The following EBF1 variants were observed in gnomAD, a reference collection of about 807,000 sequenced individuals.
The protein encoded by EBF1 is EBF transcription factor 1, also known as transcription factor COE1.
In EBF1, 10 loss-of-function variants were observed where a neutral mutation model predicts 68.4. That is an observed-to-expected ratio of 0.15 (90% CI 0.09 to 0.25). The LOEUF is 0.25. Among genes scored for constraint, EBF1 ranks in the 10% least tolerant of loss-of-function variants. EBF1 has a pLI of 1.00. For missense variants in EBF1, 509 were observed against 794.4 expected (o/e 0.64, Z 4.32); for synonymous variants, 298 against 299.8 (o/e 0.99, Z 0.06).
intron 6 of EBF1, among the ~76,000 whole-genome samples, chr5:159,028,099 C>T (rs781025378): frequency 2.1e-4 from 32 of 152,126 alleles, no homozygotes; most frequent in Non-Finnish European, 3.2e-4. Context: ...AGTATGTAGA[C>T]GGTGCTTGAA....
intron 6 of EBF1, among the ~76,000 whole-genome samples, chr5:158,931,119 CT>C (rs1810798697): frequency 4.6e-5 from 7 of 152,340 alleles, no homozygotes; most frequent in African/African-American, 1.7e-4. Context: ...CATATCTCAC[CT>C]GCTTTAGCCA....
chr5:158,934,285 C>A (rs79847495), intron 6 of EBF1, among the ~76,000 whole-genome samples: 2,820 of 152,276 alleles, frequency 0.019, 107 homozygotes, highest in African/African-American at 0.064. Context: ...TCTGCAATGC[C>A]AGTGTAGTAC....
chr5:159,079,402 C>T (rs899362955), intron 5 of EBF1, among the ~76,000 whole-genome samples: 3 of 152,064 alleles, frequency 2.0e-5, no homozygotes, highest in African/African-American at 7.2e-5. Flanking sequence ...TCTTCACTGC[C>T]GACATCCTTC....
chr5:158,858,198 T>C (rs1268828346), intron 6 of EBF1, among the ~76,000 whole-genome samples: 2 of 152,174 alleles, frequency 1.3e-5, no homozygotes, highest in Non-Finnish European at 2.9e-5. Context: ...TTAATTGTAA[T>C]ATGACACTGG....
At chr5:158,734,378 G>T (rs933146770) in intron 10 of EBF1, among the ~76,000 whole-genome samples, 1 of 152,044 alleles carries the variant, frequency 6.6e-6, no homozygotes, top group Non-Finnish European at 1.5e-5. Flanking sequence ...GCTTTAAGAG[G>T]GGTCTGTATA....
rs114978128 is a variant in EBF1, at chr5:158,716,352, T to C, written c.1126-2170A>G. Reference sequence around the variant, plus strand: ...GATCTTGTTTCCTAAAGGAGCATCCTTCTTTGATCCATGATGCTGCCTTCT... The same window carrying C: ...GATCTTGTTTCCTAAAGGAGCATCCCTCTTTGATCCATGATGCTGCCTTCT... On this transcript the variant is annotated intron_variant, in intron 11 of 15. Transcript: ENST00000313708. 5.3e-3 allele frequency among the ~76,000 whole-genome samples: 800 copies of C among 152,326 alleles called. 6 individuals are homozygous for C. Among genetic ancestry groups the C allele is most frequent in the African/African-American group, 0.018 (766 of 41,568 alleles).
intron 10 of EBF1, among the ~76,000 whole-genome samples, chr5:158,758,340 CAAATT>C (rs1446670588): frequency 2.0e-5 from 3 of 152,052 alleles, no homozygotes; most frequent in African/African-American, 4.8e-5. Flanking sequence ...CAGCCTGTCT[CAAATT>C]AAAAAGAAGC....
intron 6 of EBF1, 84 bp from the exon 7 acceptor site, chr5:158,840,194 C>A: frequency 1.1e-6 from 1 of 951,856 alleles, no homozygotes; most frequent in Non-Finnish European, 1.7e-6. Flanking sequence ...CTGGGTTGTG[C>A]ATTCGATTCT....
intron 6 of EBF1, among the ~76,000 whole-genome samples, chr5:159,026,520 T>A (rs970966795): frequency 2.6e-5 from 4 of 152,068 alleles, no homozygotes; most frequent in Non-Finnish European, 5.9e-5. Flanking sequence ...CTGGGAAAAC[T>A]AGAACTGACA....
chr5:159,043,811 AT>A (rs1771751750), intron 6 of EBF1, among the ~76,000 whole-genome samples: 1 of 152,198 alleles, frequency 6.6e-6, no homozygotes, highest in African/African-American at 2.4e-5. Context: ...ATCAGTATCC[AT>A]TCTCTGCTTC....
At chr5:159,033,980 T>A (rs1307451473) in intron 6 of EBF1, among the ~76,000 whole-genome samples, 1 of 152,214 alleles carries the variant, frequency 6.6e-6, no homozygotes, top group Non-Finnish European at 1.5e-5. Context: ...GTCATCACTA[T>A]TATTACATCT....
intron 7 of EBF1, among the ~76,000 whole-genome samples, chr5:158,837,510 T>G (rs1331504344): frequency 6.6e-6 from 1 of 152,318 alleles, no homozygotes; most frequent in East Asian, 1.9e-4. Flanking sequence ...AAACTGAAGC[T>G]CCAAAGGATT....
intron 6 of EBF1, among the ~76,000 whole-genome samples, chr5:158,910,258 G>A (rs1805665860): frequency 6.6e-6 from 1 of 152,198 alleles, no homozygotes; most frequent in Non-Finnish European, 1.5e-5. Context: ...CCACCAAGCT[G>A]TGGTTCTTCC....
Position 158,699,060 on chromosome 5 carries a change from C to G in EBF1, c.*51G>C, listed in dbSNP as rs753442522. On this transcript the variant is annotated 3_prime_UTR_variant, in exon 16 of 16. Transcript: ENST00000313708. The stretch of plus-strand genomic sequence containing the variant: ...TCTGGGACTTGTATCAGATTACTCT[C>G]TGTAGCAGAATCCAACCTCTTCATT... 4 of 1,558,298 alleles carry G rather than the reference C, an allele frequency of 2.6e-6. No individual in the cohort carries two copies. The highest frequency in any genetic ancestry group is 3.5e-6 in the Non-Finnish European group (4 of 1,148,246).
chr5:158,849,159 A>C (rs1007849594), intron 6 of EBF1, among the ~76,000 whole-genome samples: 2 of 152,228 alleles, frequency 1.3e-5, no homozygotes, highest in Non-Finnish European at 2.9e-5. Context: ...TAGAGTATTC[A>C]AGTAATTGCC....
At chr5:158,785,247 A>C (rs1777193873) in intron 9 of EBF1, among the ~76,000 whole-genome samples, 2 of 152,188 alleles carry the variant, frequency 1.3e-5, no homozygotes, top group South Asian at 4.1e-4. Flanking sequence ...ACAAACAGGC[A>C]AACTTGTTTT....
intron 6 of EBF1, among the ~76,000 whole-genome samples, chr5:158,909,540 G>A (rs1216002403): frequency 6.6e-6 from 1 of 152,126 alleles, no homozygotes; most frequent in Non-Finnish European, 1.5e-5. Context: ...AGGCATGACT[G>A]ATCATTGGTT....
intron 11 of EBF1, among the ~76,000 whole-genome samples, chr5:158,715,530 G>C (rs1368205203): frequency 6.6e-6 from 1 of 152,112 alleles, no homozygotes; most frequent in Non-Finnish European, 1.5e-5. Context: ...AGATAGTGGG[G>C]TTTTCAGTTC....
In EBF1 at chr5:158,969,919, A is replaced by AGAAAGAAAG. The variant is rs199980397; in HGVS notation, c.554+103476_554+103477insCTTTCTTTC. 6.0e-3 allele frequency among the ~76,000 whole-genome samples: 363 copies of AGAAAGAAAG among 60,184 alleles called. 17 individuals are homozygous for AGAAAGAAAG. Among genetic ancestry groups the AGAAAGAAAG allele is most frequent in the Non-Finnish European group, 9.3e-3 (258 of 27,632 alleles). 39.5% of individuals were successfully genotyped at this position (60,184 alleles called of 152,430 possible). A position where few individuals can be genotyped will look rare whatever the true frequency, so the allele number is the denominator to read the frequency against. ...AAGAAAGAAAGAAAGAAAGAAAGAAAAAAAAAAAAAAGGCTGCTGGAAGTT... is the reference window on the plus strand; with the variant it reads ...AAGAAAGAAAGAAAGAAAGAAAGAAAGAAAGAAAGAAAAAAAAAAAGGCTGCTGGAAGTT... On this transcript the variant is annotated intron_variant, in intron 6 of 15. Transcript: ENST00000313708.
Sources: gnomAD v4.1 joint callset for allele counts (sites outside exome capture counted in the v4.1 genomes callset) on GRCh38, gnomAD v4.1.1 for gene constraint, MANE v1.5 for transcripts, NCBI Gene and HGNC (gene_info 2026-07-23, HGNC 2026-07-21) for gene names.